PRMT1: variants seen among roughly 807,000 people sequenced by gnomAD.
The protein encoded by PRMT1 is protein arginine methyltransferase 1, also known as protein arginine N-methyltransferase 1.
A neutral mutation model predicts 47.4 loss-of-function variants in PRMT1; 5 were observed. The ratio of observed to expected loss-of-function variants is 0.11; its 90% CI spans 0.06 to 0.22. The LOEUF (loss-of-function observed/expected upper bound fraction) is 0.22, where lower values mean the gene tolerates loss of function less well. Among genes scored for constraint, PRMT1 ranks in the 10% least tolerant of loss-of-function variants. The pLI is 1.00. For synonymous variants in PRMT1, 227 were observed against 204.6 expected (o/e 1.11, Z -0.94); for missense variants, 249 against 518.4 (o/e 0.48, Z 5.05).
chr19:49,676,934 G>T (rs2082044041), upstream of PRMT1: 1 of 273,662 alleles, frequency 3.7e-6, no homozygotes. Context: ...GGGCTCCCCG[G>T]GAAGCTTTGA....
At chr19:49,687,820 G>T (rs958382712) in intron 10 of PRMT1, 11 of 375,456 alleles carry the variant, frequency 2.9e-5, no homozygotes, top group African/African-American at 1.8e-4. Flanking sequence ...TCACTGGAAC[G>T]TTTGCCTGAG....
chr19:49,678,831 G>A (rs2082074332), intron 1 of PRMT1, among the ~76,000 whole-genome samples: 1 of 151,992 alleles, frequency 6.6e-6, no homozygotes, highest in Non-Finnish European at 1.5e-5. Context: ...GAAGTCTTCA[G>A]GGCCTGGGAT....
Position 49,684,935 on chromosome 19 carries a change from G to T in PRMT1, c.657G>T (p.Val219=). 3.1e-6 allele frequency: 5 copies of T among 1,600,578 alleles called. No homozygotes were observed. Among genetic ancestry groups the T allele is most frequent in the Non-Finnish European group, 4.3e-6 (5 of 1,170,840 alleles). Residue 219 remains valine, a synonymous_variant, in exon 8 of 11, where the codon GTG becomes GTT. Transcript: ENST00000454376. The surrounding 1 kb of genome is among the most constrained non-coding windows in gnomAD (Gnocchi z 6.2). ...KDYKIHWWEN[V]YGFDMSCIKD... is the part of the protein sequence containing the mutation. Reference sequence around the variant, plus strand: ...CTGCCTCCCCAGGGTGGGAGAACGTGTATGGCTTCGACATGTCTTGCATCA... The same window carrying T: ...CTGCCTCCCCAGGGTGGGAGAACGTTTATGGCTTCGACATGTCTTGCATCA...
rs1599947068 is a variant in PRMT1 at position 49,684,202 on chromosome 19, C to T, written c.555+133C>T. 1 of 1,285,938 alleles carries T rather than the reference C, an allele frequency of 7.8e-7. No homozygotes were observed. The highest frequency in any genetic ancestry group is 1.3e-5 in the South Asian group (1 of 74,104). The allele number at this position is 1,285,938 out of a possible 1,614,324, so 79.7% of individuals were successfully genotyped here. On this transcript the variant is annotated intron_variant, in intron 6 of 10. Coordinates refer to ENST00000454376, the MANE Select transcript of PRMT1 (RefSeq NM_001536.6). The surrounding 1 kb of genome is among the most constrained non-coding windows in gnomAD (Gnocchi z 6.2). ...CTGCAAGGTGTTAGAAAGCCACAGC[C>T]CAAGCCAGGTGTGACAGACCCTGGA...
At chr19:49,677,584 G>T (rs1444664615) in intron 1 of PRMT1, 1 of 367,576 alleles carries the variant, frequency 2.7e-6, no homozygotes, top group Non-Finnish European at 4.9e-6. Context: ...AGGCCCCCAC[G>T]TGGCCGCTGC....
intron 1 of PRMT1, among the ~76,000 whole-genome samples, chr19:49,679,427 C>T (rs2082082505): frequency 6.6e-6 from 1 of 152,174 alleles, no homozygotes; most frequent in Admixed American, 6.5e-5. Flanking sequence ...GTGGCAGATG[C>T]CCTGTGGGCA....
At chr19:49,677,145 C>G, upstream of PRMT1, 1 of 763,378 alleles carries the variant, frequency 1.3e-6, no homozygotes, top group Non-Finnish European at 1.9e-6. Flanking sequence ...TCAGACGGGC[C>G]GCCTCCATTG....
intron 10 of PRMT1, chr19:49,687,763 A>C: frequency 3.7e-6 from 1 of 267,926 alleles, no homozygotes; most frequent in Admixed American, 4.3e-5. Context: ...GCTGGAGGGT[A>C]TGGGGGGAGG....
At chr19:49,677,151 C>T, upstream of PRMT1, 1 of 840,184 alleles carries the variant, frequency 1.2e-6, no homozygotes, top group Non-Finnish European at 1.7e-6. Context: ...GGGCCGCCTC[C>T]ATTGCCAATG....
chr19:49,677,152 A>C (rs900437702), upstream of PRMT1: 1 of 869,424 alleles, frequency 1.2e-6, no homozygotes. Context: ...GGCCGCCTCC[A>C]TTGCCAATGA....
intron 1 of PRMT1, chr19:49,679,564 G>A (rs745449193): frequency 2.4e-5 from 16 of 664,220 alleles, no homozygotes; most frequent in Non-Finnish European, 4.2e-5. Flanking sequence ...GCGGTGGTGG[G>A]TGCCAATTCC....
chr19:49,687,693 C>A (rs1485998148), intron 10 of PRMT1, among the ~76,000 whole-genome samples: 1 of 152,042 alleles, frequency 6.6e-6, no homozygotes, highest in Non-Finnish European at 1.5e-5. Flanking sequence ...AGCTGGGAAA[C>A]GGATACTGGA....
In PRMT1 at chr19:49,685,512, C is replaced by T. The variant is rs971969333; in HGVS notation, c.759+475C>T. The T allele has an allele frequency of 3.9e-6, 4 of 1,017,622 alleles. No homozygotes were observed. In the African/African-American group the frequency reaches 6.9e-5, roughly 18 times the overall value. 63.0% of individuals were successfully genotyped at this position (1,017,622 alleles called of 1,614,324 possible). On this transcript the variant is annotated intron_variant, in intron 8 of 10. Coordinates refer to ENST00000454376, the MANE Select transcript of PRMT1 (RefSeq NM_001536.6). The surrounding 1 kb of genome is among the most constrained non-coding windows in gnomAD (Gnocchi z 4.7). ...GTGACAATGTTTTGTTTTGTTTTTT[C>T]CTTTTGTTTTTTTTTACTTCTGAGA...
In PRMT1 at chr19:49,680,099, T is replaced by TC; in HGVS notation, c.90+179dup. 2 of 1,068,648 alleles carry TC rather than the reference T, an allele frequency of 1.9e-6. No individual in the cohort carries two copies. The highest frequency in any genetic ancestry group is 2.8e-6 in the Non-Finnish European group (2 of 715,386). The allele number at this position is 1,068,648 out of a possible 1,614,324, so 66.2% of individuals were successfully genotyped here. A position where few individuals can be genotyped will look rare whatever the true frequency, so the allele number is the denominator to read the frequency against. On this transcript the variant is annotated intron_variant, in intron 2 of 10. Coordinates refer to ENST00000454376, the MANE Select transcript of PRMT1 (RefSeq NM_001536.6). The surrounding 1 kb of genome is among the most constrained non-coding windows in gnomAD (Gnocchi z 4.2). Reference sequence around the variant, plus strand: ...TCCAGGTTCACAGCCCCCGCTGGCCTCCCCCAGTATCGCCGCTACTTCCTT... The same window carrying TC: ...TCCAGGTTCACAGCCCCCGCTGGCCTCCCCCCAGTATCGCCGCTACTTCCTT...
In PRMT1 at chr19:49,686,594, C is replaced by T. The variant is rs773258925; in HGVS notation, c.911-11C>T. 43 of 1,608,698 alleles carry T rather than the reference C, an allele frequency of 2.7e-5. 1 individual carries two copies. Among genetic ancestry groups the T allele is most frequent in the Middle Eastern group, 2.2e-4 (1 of 4,460 alleles). On this transcript the variant is annotated splice_polypyrimidine_tract_variant and intron_variant, in intron 9 of 10. Coordinates refer to ENST00000454376, the MANE Select transcript of PRMT1 (RefSeq NM_001536.6). Reference sequence around the variant, plus strand: ...GCAGGCCGAGGCCGGCTGACCCGCCCGCGCCCCCAGGCCCCGAGTCCCCGT... The same window carrying T: ...GCAGGCCGAGGCCGGCTGACCCGCCTGCGCCCCCAGGCCCCGAGTCCCCGT...
chr19:49,677,196 G>A (rs2082046496), upstream of PRMT1: 2 of 1,297,004 alleles, frequency 1.5e-6, no homozygotes. Context: ...GGCGGGCCGT[G>A]GACCCTCTGG....
upstream of PRMT1, chr19:49,676,935 G>A (rs2082044058): frequency 3.6e-6 from 1 of 277,006 alleles, no homozygotes. Context: ...GGCTCCCCGG[G>A]AAGCTTTGAG....
At chr19:49,677,420 G>A in intron 1 of PRMT1, 104 bp downstream of exon 1, 2 of 1,017,842 alleles carry the variant, frequency 2.0e-6, no homozygotes, top group Non-Finnish European at 2.6e-6. Context: ...GGGGTTGGAG[G>A]TCCCCCGCCG....
At position 49,680,685 on chromosome 19, in the gene PRMT1, C is replaced by T. The variant is rs2082104064; in HGVS notation, c.192+97C>T. 9 of 1,011,886 alleles carry T rather than the reference C, an allele frequency of 8.9e-6. No individual in the cohort carries two copies. 62.7% of individuals were successfully genotyped at this position (1,011,886 alleles called of 1,614,324 possible). Reference sequence around the variant, plus strand: ...TTCCCACGCATGCGCACTGCTTCCCCTGGCCGCAGGCCGCCCCCCTGCCCC... The same window carrying T: ...TTCCCACGCATGCGCACTGCTTCCCTTGGCCGCAGGCCGCCCCCCTGCCCC... On this transcript the variant is annotated intron_variant, in intron 3 of 10. Transcript: ENST00000454376. This position sits in a 1 kb window ranked among gnomAD's most constrained non-coding sequence, Gnocchi z 4.2.
Sources: allele counts gnomAD v4.1 joint callset (sites outside exome capture counted in the v4.1 genomes callset), GRCh38; gene constraint gnomAD v4.1.1; non-coding constraint Gnocchi (gnomAD v3.1); transcripts MANE v1.5; gene names NCBI Gene and HGNC (gene_info 2026-07-23, HGNC 2026-07-21).